PTPN14: variants seen among roughly 807,000 people sequenced by gnomAD.
PTPN14 encodes the protein tyrosine-protein phosphatase non-receptor type 14.
Under a neutral mutation model 126.8 loss-of-function variants are expected in PTPN14, and 53 were observed. That is an observed-to-expected ratio of 0.42 (90% confidence interval 0.34 to 0.53). The LOEUF (loss-of-function observed/expected upper bound fraction) is 0.53, where lower values mean the gene tolerates loss of function less well. PTPN14 is among the 20% of genes least tolerant of loss of function. PTPN14 has a pLI of 0.08. For synonymous variants in PTPN14, 630 were observed against 599.3 expected, an observed-to-expected ratio of 1.05 and a Z score of -0.75; for missense variants, 1,257 against 1,552.9, an observed-to-expected ratio of 0.81 and a Z score of 3.20.
chr1:214,412,025 C>G (rs115600947), intron 4 of PTPN14, among the ~76,000 whole-genome samples: 2,604 of 152,114 alleles, frequency 0.017, 80 homozygotes, highest in African/African-American at 0.059. Flanking sequence ...TTAAACAAAC[C>G]TATATCTATC....
intron 3 of PTPN14, among the ~76,000 whole-genome samples, chr1:214,421,039 A>G (rs572413522): frequency 1.3e-5 from 2 of 152,242 alleles, no homozygotes; most frequent in African/African-American, 4.8e-5. Flanking sequence ...ATGATTCAGC[A>G]ATTATGCTCC....
chr1:214,491,569 A>G (rs184530685), intron 1 of PTPN14, among the ~76,000 whole-genome samples: 60 of 152,268 alleles, frequency 3.9e-4, no homozygotes, highest in African/African-American at 1.4e-3. Flanking sequence ...TCCTTCTCCT[A>G]TGAGAATCAA....
intron 2 of PTPN14, among the ~76,000 whole-genome samples, chr1:214,457,942 C>G (rs1209086011): frequency 6.6e-6 from 1 of 152,000 alleles, no homozygotes; most frequent in African/African-American, 2.4e-5. Context: ...CCTAGCTGTT[C>G]GAGGAACTGA....
intron 1 of PTPN14, among the ~76,000 whole-genome samples, chr1:214,484,758 G>C (rs1036913768): frequency 8.5e-5 from 13 of 152,328 alleles, no homozygotes; most frequent in Non-Finnish European, 1.5e-4. Context: ...AGACTTGTTT[G>C]AATGTCTTTA....
intron 17 of PTPN14, among the ~76,000 whole-genome samples, chr1:214,366,807 C>A (rs1185928942): frequency 6.6e-6 from 1 of 151,946 alleles, no homozygotes; most frequent in Non-Finnish European, 1.5e-5. Flanking sequence ...GAGATGGAGA[C>A]CCCGTCTCTA....
At chr1:214,537,698 T>C in intron 1 of PTPN14, among the ~76,000 whole-genome samples, 1 of 152,188 alleles carries the variant, frequency 6.6e-6, no homozygotes, top group East Asian at 1.9e-4. Flanking sequence ...TATAACTACT[T>C]TTACTTTCTG....
In PTPN14 at chr1:214,462,017, T is replaced by C. The variant is rs185227308; in HGVS notation, c.174+2613A>G. ...GTGTGTGCAAAAGAAGAACAAAGTA[T>C]CAGATTACTCTATCTGATCCTTTAA... is the stretch of plus-strand genomic sequence containing the variant. On this transcript the variant is annotated intron_variant, in intron 2 of 18. Coordinates refer to ENST00000366956, the MANE Select transcript of PTPN14 (RefSeq NM_005401.5). Among the ~76,000 whole-genome samples, 257 of 152,286 alleles carry C rather than the reference T, an allele frequency of 1.7e-3. 1 individual carries two copies. The highest frequency in any genetic ancestry group is 6.1e-3 in the African/African-American group (255 of 41,550).
chr1:214,420,215 C>G (rs191730258), intron 3 of PTPN14, among the ~76,000 whole-genome samples: 1 of 152,214 alleles, frequency 6.6e-6, no homozygotes, highest in African/African-American at 2.4e-5. Context: ...GCAAAGATAC[C>G]CTTAAAAGGG....
Position 214,364,173 on chromosome 1 carries a change from T to G in PTPN14, c.3435+339A>C, listed in dbSNP as rs1280960538. 6.6e-6 allele frequency among the ~76,000 whole-genome samples: 1 copy of G among 152,082 alleles called. No homozygotes were observed. The highest frequency in any genetic ancestry group is 1.5e-5 in the Non-Finnish European group (1 of 68,008). On this transcript the variant is annotated intron_variant, in intron 18 of 18. Transcript: ENST00000366956. The surrounding 1 kb of genome is among the most constrained non-coding windows in gnomAD (Gnocchi z 4.1). Reference sequence around the variant, plus strand: ...TCGAAACTATATGGGGTCAAATAACTCACCATGGAAAATTACCCACAATAA... The same window carrying G: ...TCGAAACTATATGGGGTCAAATAACGCACCATGGAAAATTACCCACAATAA...
chr1:214,494,594 C>T (rs1347912769), intron 1 of PTPN14, among the ~76,000 whole-genome samples: 2 of 152,146 alleles, frequency 1.3e-5, no homozygotes, highest in Non-Finnish European at 2.9e-5. Context: ...ATTGTGTTGC[C>T]TTGTCATCTA....
intron 3 of PTPN14, among the ~76,000 whole-genome samples, chr1:214,435,183 T>G (rs1659884255): frequency 6.6e-6 from 1 of 152,162 alleles, no homozygotes; most frequent in Middle Eastern, 3.4e-3. Flanking sequence ...AATCAATTAT[T>G]TATATATTGG....
chr1:214,447,628 G>GAGTA (rs960486936), intron 3 of PTPN14, among the ~76,000 whole-genome samples: 7 of 150,290 alleles, frequency 4.7e-5, no homozygotes, highest in African/African-American at 1.7e-4. Flanking sequence ...TACTCACTCT[G>GAGTA]ACACCCCTTG....
At chr1:214,492,815 C>T (rs190722087) in intron 1 of PTPN14, among the ~76,000 whole-genome samples, 1 of 150,044 alleles carries the variant, frequency 6.7e-6, no homozygotes, top group Admixed American at 6.7e-5. Context: ...GGCTGAGGCA[C>T]GAGAATTGCA....
chr1:214,536,778 T>A (rs549597757), intron 1 of PTPN14, among the ~76,000 whole-genome samples: 1 of 152,344 alleles, frequency 6.6e-6, no homozygotes, highest in Non-Finnish European at 1.5e-5. Flanking sequence ...ATTACAAGTA[T>A]GAAATTATGT....
At chr1:214,531,040 G>T (rs1389834086) in intron 1 of PTPN14, 1 of 151,980 alleles carries the variant, frequency 6.6e-6, no homozygotes, top group Non-Finnish European at 1.5e-5. Context: ...AAAGAAATTT[G>T]CAATGAATTC....
chr1:214,409,056 C>T (rs924484588), intron 5 of PTPN14, among the ~76,000 whole-genome samples: 2 of 152,202 alleles, frequency 1.3e-5, no homozygotes, highest in African/African-American at 4.8e-5. Context: ...GCAAGTTAGT[C>T]TAATTAACAT....
At position 214,383,713 on chromosome 1, in the gene PTPN14, C is replaced by A; in HGVS notation, c.2142G>T (p.Glu714Asp). Reference sequence around the variant, plus strand: ...GGGGCACCGATTCTGGAGCCTCCTCCTCCTCCTCCTCACTCTCGCTGCTGT... The same window carrying A: ...GGGGCACCGATTCTGGAGCCTCCTCATCCTCCTCCTCACTCTCGCTGCTGT... ...LIHSSESEEE[E>D]EEAPESVPQI... The change falls in exon 13 of 19, where the codon GAG becomes GAT. Residue 714 changes from glutamate to aspartate, a missense_variant. Physicochemically the swap from Glu to Asp is conservative, Grantham distance 45. Around this residue, in one of 3 missense-constraint regions of PTPN14, gnomAD observed 1,021 missense variants for 1,183.3 expected, o/e 0.86. Coordinates refer to ENST00000366956, the MANE Select transcript of PTPN14 (RefSeq NM_005401.5). This position sits in a 1 kb window ranked among gnomAD's most constrained non-coding sequence, Gnocchi z 4.4. The A allele has an allele frequency of 6.2e-7, 1 of 1,613,466 alleles. No individual in the cohort carries two copies. Among genetic ancestry groups the A allele is most frequent in the Non-Finnish European group, 8.5e-7 (1 of 1,179,996 alleles).
At chr1:214,426,595 T>C (rs1050885036) in intron 3 of PTPN14, among the ~76,000 whole-genome samples, 4 of 152,066 alleles carry the variant, frequency 2.6e-5, no homozygotes, top group African/African-American at 9.7e-5. Context: ...ACCTTTTGTT[T>C]AGGACATGGG....
At chr1:214,430,739 C>T (rs1659779652) in intron 3 of PTPN14, among the ~76,000 whole-genome samples, 1 of 152,172 alleles carries the variant, frequency 6.6e-6, no homozygotes. Context: ...CTCATTAGTT[C>T]TGTTTCTCTG....
Sources: gnomAD v4.1 joint callset for allele counts (sites outside exome capture counted in the v4.1 genomes callset) on GRCh38, gnomAD v4.1.1 for gene constraint, gnomAD v4.1.1 regional missense constraint, Gnocchi (gnomAD v3.1) non-coding constraint, MANE v1.5 for transcripts, NCBI Gene and HGNC (gene_info 2026-07-23, HGNC 2026-07-21) for gene names.